RAB27A: variants seen among roughly 807,000 people sequenced by gnomAD.
The protein encoded by RAB27A is ras-related protein Rab-27A.
Under a neutral mutation model 20.8 loss-of-function variants are expected in RAB27A, and 17 were observed. The ratio of observed to expected loss-of-function variants is 0.82; its 90% CI spans 0.56 to 1.23. RAB27A has a LOEUF of 1.23. Among genes scored for constraint, RAB27A ranks in the 50% most tolerant of loss-of-function variants. The probability of loss-of-function intolerance (pLI) is 0.00; values close to 1 mark genes in which losing one functional copy is unlikely to be tolerated. For synonymous variants in RAB27A, 85 were observed against 92.8 expected, an observed-to-expected ratio of 0.92 and a Z score of 0.48; for missense variants, 277 against 266.7, an observed-to-expected ratio of 1.04 and a Z score of -0.27.
At position 55,254,557 on chromosome 15, in the gene RAB27A, C is replaced by T. The variant is rs183254542; in HGVS notation, c.-23+15608G>A. Among the ~76,000 whole-genome samples the T allele has an allele frequency of 2.3e-3, 350 of 152,134 alleles. 4 individuals carry two copies. The highest frequency in any genetic ancestry group is 8.0e-3 in the African/African-American group (334 of 41,516). On this transcript the variant is annotated intron_variant, in intron 2 of 6. Coordinates refer to ENST00000336787, the MANE Select transcript of RAB27A (RefSeq NM_183235.3). ...GATGCTTGTAAGCATTTTAGATATA[C>T]ATTCCTTTAGCTCTTATAATATACT...
chr15:55,213,805 C>G (rs1488249959), intron 6 of RAB27A, among the ~76,000 whole-genome samples: 1 of 152,198 alleles, frequency 6.6e-6, no homozygotes, highest in Non-Finnish European at 1.5e-5. Flanking sequence ...AGGGCTCCCA[C>G]TGATTCTACA....
chr15:55,280,503 T>TTATATATATATATA (rs71297648), intron 1 of RAB27A, among the ~76,000 whole-genome samples: 1,581 of 137,668 alleles, frequency 0.011, 41 homozygotes, highest in African/African-American at 0.044. Context: ...TGGGTATGGT[T>TTATATATATATATA]TATATATATA....
chr15:55,259,339 GCAATGGCA>G (rs936123596), intron 2 of RAB27A, among the ~76,000 whole-genome samples: 4 of 151,654 alleles, frequency 2.6e-5, no homozygotes, highest in African/African-American at 9.7e-5. Context: ...TCACTCCAGT[GCAATGGCA>G]CAATCATAGC....
chr15:55,287,082 G>C (rs555038287), intron 1 of RAB27A, among the ~76,000 whole-genome samples: 1 of 151,708 alleles, frequency 6.6e-6, no homozygotes, highest in Non-Finnish European at 1.5e-5. Flanking sequence ...ACCACGCCCC[G>C]CTAATTTTTG....
intron 1 of RAB27A, among the ~76,000 whole-genome samples, chr15:55,273,601 T>C (rs939827389): frequency 6.6e-6 from 1 of 152,096 alleles, no homozygotes; most frequent in African/African-American, 2.4e-5. Context: ...GGGGTGACTA[T>C]ACTTATATCA....
At chr15:55,285,158 T>C (rs1254414040) in intron 1 of RAB27A, among the ~76,000 whole-genome samples, 3 of 152,170 alleles carry the variant, frequency 2.0e-5, no homozygotes, top group Admixed American at 1.3e-4. Flanking sequence ...AATGCAAATT[T>C]AACTTTTTTT....
At chr15:55,235,053 G>T in intron 2 of RAB27A, 97 bp from the exon 3 acceptor site, 1 of 979,294 alleles carries the variant, frequency 1.0e-6, no homozygotes, top group Non-Finnish European at 1.5e-6. Flanking sequence ...AACACCTAAT[G>T]TTAACCTGTA....
intron 2 of RAB27A, among the ~76,000 whole-genome samples, chr15:55,312,862 C>T (rs2055027100): frequency 1.3e-5 from 2 of 152,168 alleles, no homozygotes; most frequent in African/African-American, 4.8e-5. Flanking sequence ...TAGGCTTGAG[C>T]ATGTGACATG....
intron 3 of RAB27A, among the ~76,000 whole-genome samples, chr15:55,234,307 C>G (rs796642273): frequency 2.0e-5 from 3 of 152,118 alleles, no homozygotes; most frequent in African/African-American, 7.2e-5. Context: ...CTGGCATTCC[C>G]CACTCCTACT....
intron 2 of RAB27A, among the ~76,000 whole-genome samples, chr15:55,268,110 TA>T (rs1465170492): frequency 6.6e-6 from 1 of 151,828 alleles, no homozygotes; most frequent in Non-Finnish European, 1.5e-5. Context: ...ATTCTATGGA[TA>T]AAATGCCCTC....
chr15:55,250,743 T>C (rs1896858642), intron 2 of RAB27A, among the ~76,000 whole-genome samples: 1 of 152,232 alleles, frequency 6.6e-6, no homozygotes, highest in Non-Finnish European at 1.5e-5. Flanking sequence ...CTACTTCTTT[T>C]TCATAGCAGA....
chr15:55,311,060 C>T (rs1415178100), intron 2 of RAB27A, among the ~76,000 whole-genome samples: 2 of 152,100 alleles, frequency 1.3e-5, no homozygotes, highest in South Asian at 2.1e-4. Flanking sequence ...AGGGTCTACA[C>T]TGGGAACTGA....
chr15:55,214,327 T>C (rs1354253978), intron 6 of RAB27A, among the ~76,000 whole-genome samples: 1 of 152,156 alleles, frequency 6.6e-6, no homozygotes, highest in Non-Finnish European at 1.5e-5. Flanking sequence ...TCCCAGCTAC[T>C]CGGGAGGCTG....
At chr15:55,241,132 T>G (rs1396295761) in intron 2 of RAB27A, among the ~76,000 whole-genome samples, 1 of 152,176 alleles carries the variant, frequency 6.6e-6, no homozygotes, top group Non-Finnish European at 1.5e-5. Context: ...TTCCTAGAAG[T>G]ATAAGAAAGT....
At chr15:55,294,589 GAAAAAAAAAAAA>G (rs1181179911), upstream of RAB27A, among the ~76,000 whole-genome samples, 7 of 29,182 alleles carry the variant, frequency 2.4e-4, no homozygotes, top group African/African-American at 6.0e-4. Flanking sequence ...CCCTGTCTCC[GAAAAAAAAAAAA>G]AAAAAAAAAA....
At chr15:55,244,785 G>A (rs1024046731) in intron 2 of RAB27A, among the ~76,000 whole-genome samples, 1 of 152,056 alleles carries the variant, frequency 6.6e-6, no homozygotes, top group Non-Finnish European at 1.5e-5. Flanking sequence ...AACACCACAT[G>A]TTCTTTCATA....
intron 2 of RAB27A, among the ~76,000 whole-genome samples, chr15:55,306,706 G>T (rs903965207): frequency 6.6e-6 from 1 of 152,192 alleles, no homozygotes; most frequent in Non-Finnish European, 1.5e-5. Flanking sequence ...TGAAGGCGGG[G>T]TTTCCCTTAG....
intron 6 of RAB27A, among the ~76,000 whole-genome samples, chr15:55,207,070 G>A (rs1894687869): frequency 6.6e-6 from 1 of 151,860 alleles, no homozygotes; most frequent in Non-Finnish European, 1.5e-5. Context: ...CCAAAATAAG[G>A]GAAATGCAAG....
intron 2 of RAB27A, among the ~76,000 whole-genome samples, chr15:55,261,779 C>G (rs1207225121): frequency 6.7e-6 from 1 of 149,038 alleles, no homozygotes; most frequent in African/African-American, 2.5e-5. Flanking sequence ...GTGGCTCATG[C>G]CTGTAATCCC....
Sources: gnomAD v4.1 joint callset for allele counts (sites outside exome capture counted in the v4.1 genomes callset) on GRCh38, gnomAD v4.1.1 for gene constraint, MANE v1.5 for transcripts, NCBI Gene and HGNC (gene_info 2026-07-23, HGNC 2026-07-21) for gene names.